ATP8A1: variants seen among roughly 807,000 people sequenced by gnomAD.
ATP8A1 encodes phospholipid-transporting ATPase IA.
ATP8A1 carries 90 observed loss-of-function variants against 177.7 expected under a neutral mutation model. The ratio of observed to expected loss-of-function variants is 0.51; its 90% confidence interval spans 0.43 to 0.60. The LOEUF (loss-of-function observed/expected upper bound fraction) is 0.60, where lower values mean the gene tolerates loss of function less well. ATP8A1 is among the 20% of genes least tolerant of loss of function. The pLI is 0.00. For missense variants in ATP8A1, 1,072 were observed against 1,392.8 expected (o/e 0.77, Z 3.67); for synonymous variants, 493 against 485.9 (o/e 1.01, Z -0.19).
chr4:42,435,207 C>T (rs1218411512), intron 33 of ATP8A1, among the ~76,000 whole-genome samples: 1 of 151,964 alleles, frequency 6.6e-6, no homozygotes, highest in Non-Finnish European at 1.5e-5. Context: ...GGGTGGATCA[C>T]CTGAGGTCAG....
chr4:42,631,781 C>T (rs111599295), intron 1 of ATP8A1, among the ~76,000 whole-genome samples: 7 of 152,278 alleles, frequency 4.6e-5, no homozygotes, highest in African/African-American at 1.7e-4. Context: ...ATCCTGTAGG[C>T]CTAGGAACCA....
At chr4:42,491,270 G>C (rs1192862793) in intron 24 of ATP8A1, among the ~76,000 whole-genome samples, 1 of 152,090 alleles carries the variant, frequency 6.6e-6, no homozygotes, top group African/African-American at 2.4e-5. Context: ...TATTTATTTG[G>C]TTTACAAGAA....
At chr4:42,492,391 A>G (rs1198278995) in intron 24 of ATP8A1, among the ~76,000 whole-genome samples, 1 of 152,172 alleles carries the variant, frequency 6.6e-6, no homozygotes, top group Admixed American at 6.5e-5. Flanking sequence ...TATCCCACCA[A>G]AATTCATATG....
At chr4:42,554,565 T>C (rs921410211) in intron 16 of ATP8A1, among the ~76,000 whole-genome samples, 10 of 152,182 alleles carry the variant, frequency 6.6e-5, no homozygotes, top group Admixed American at 5.2e-4. Context: ...TGGGCAAAAG[T>C]GACAAGTCCA....
At chr4:42,520,670 C>T (rs991508143) in intron 22 of ATP8A1, among the ~76,000 whole-genome samples, 1 of 152,100 alleles carries the variant, frequency 6.6e-6, no homozygotes, top group Non-Finnish European at 1.5e-5. Context: ...GTGGGAGTAT[C>T]ATGCTGGAAG....
intron 15 of ATP8A1, among the ~76,000 whole-genome samples, chr4:42,562,872 G>T (rs1730983667): frequency 6.6e-6 from 1 of 152,212 alleles, no homozygotes; most frequent in African/African-American, 2.4e-5. Flanking sequence ...CCATGATCGT[G>T]AGGCTTACCC....
At chr4:42,467,064 A>T (rs1306309763) in intron 25 of ATP8A1, among the ~76,000 whole-genome samples, 3 of 152,254 alleles carry the variant, frequency 2.0e-5, no homozygotes, top group Admixed American at 1.3e-4. Context: ...TTCCATAACT[A>T]AACTTGTAAT....
chr4:42,473,016 T>C (rs1720624225), intron 25 of ATP8A1, among the ~76,000 whole-genome samples: 1 of 152,252 alleles, frequency 6.6e-6, no homozygotes, highest in African/African-American at 2.4e-5. Context: ...AGCGGAAAAG[T>C]ATCAGGGAAG....
intron 9 of ATP8A1, 81 bp from the exon 10 acceptor site, chr4:42,581,813 A>G: frequency 1.0e-6 from 1 of 971,292 alleles, no homozygotes; most frequent in Admixed American, 2.3e-5. Context: ...TTACAAAAGT[A>G]CCCATTATTA....
chr4:42,546,982 C>T (rs1166857331), intron 19 of ATP8A1, among the ~76,000 whole-genome samples: 1 of 152,160 alleles, frequency 6.6e-6, no homozygotes, highest in East Asian at 1.9e-4. Flanking sequence ...TATATCTTCT[C>T]TTCAGGAGAT....
Position 42,507,798 on chromosome 4 carries a change from A to AACAAAAC in ATP8A1, c.1948-645_1948-644insGTTTTGT, listed in dbSNP as rs1553890684. Among the ~76,000 whole-genome samples the AACAAAAC allele has an allele frequency of 4.1e-3, 517 of 124,724 alleles. 11 individuals are homozygous for AACAAAAC. Among genetic ancestry groups the AACAAAAC allele is most frequent in the Non-Finnish European group, 7.7e-3 (433 of 56,520 alleles). The allele number at this position is 124,724 out of a possible 152,430, so 81.8% of individuals were successfully genotyped here. A position where few individuals can be genotyped will look rare whatever the true frequency, so the allele number is the denominator to read the frequency against. ...GGCATTCTAAAAAAAAAAAAAAAAA[A>AACAAAAC]AAAAAAAAAAACATACAAACAGCTA... is the stretch of plus-strand genomic sequence containing the variant. On this transcript the variant is annotated intron_variant, in intron 22 of 36. Coordinates refer to ENST00000381668, the MANE Select transcript of ATP8A1 (RefSeq NM_006095.2).
At chr4:42,473,613 A>G (rs568817674) in intron 25 of ATP8A1, among the ~76,000 whole-genome samples, 2 of 149,556 alleles carry the variant, frequency 1.3e-5, no homozygotes, top group South Asian at 2.2e-4. Flanking sequence ...GGAGGTAAGG[A>G]AGGGATAAAG....
At chr4:42,636,154 A>ACGCGCG (rs765930469) in intron 1 of ATP8A1, among the ~76,000 whole-genome samples, 2 of 47,540 alleles carry the variant, frequency 4.2e-5, no homozygotes, top group South Asian at 7.5e-4. Context: ...ACACACACAC[A>ACGCGCG]CACGCACACA....
At chr4:42,534,059 C>T (rs1727539792) in intron 20 of ATP8A1, among the ~76,000 whole-genome samples, 1 of 152,146 alleles carries the variant, frequency 6.6e-6, no homozygotes, top group African/African-American at 2.4e-5. Context: ...CTGACATAGT[C>T]TACCCAAATG....
chr4:42,546,581 TA>T (rs71200293), intron 19 of ATP8A1, among the ~76,000 whole-genome samples: 40,396 of 139,106 alleles, frequency 0.29, 5,572 homozygotes, highest in Middle Eastern at 0.39. Context: ...TAAAGTATAA[TA>T]AAAAAAAAAA....
intron 33 of ATP8A1, among the ~76,000 whole-genome samples, chr4:42,433,283 CTT>C (rs897703840): frequency 4.1e-5 from 5 of 122,392 alleles, no homozygotes; most frequent in African/African-American, 1.7e-4. Flanking sequence ...CCAGCGCTCT[CTT>C]CTCTGTTAGT....
At chr4:42,461,760 A>G (rs1719184595) in intron 27 of ATP8A1, among the ~76,000 whole-genome samples, 1 of 152,192 alleles carries the variant, frequency 6.6e-6, no homozygotes, top group South Asian at 2.1e-4. Flanking sequence ...AAGAGTTTGG[A>G]GAGCTCATAA....
At position 42,635,768 on chromosome 4, in the gene ATP8A1, C is replaced by T. The variant is rs1012373117; in HGVS notation, c.50-8659G>A. On this transcript the variant is annotated intron_variant, in intron 1 of 36. Transcript: ENST00000381668. The stretch of plus-strand genomic sequence containing the variant: ...ATACATATATATACACACACACACA[C>T]ACACACACACACACATATATATATA... 8.6e-3 allele frequency among the ~76,000 whole-genome samples: 507 copies of T among 59,288 alleles called. 15 individuals carry two copies. The highest frequency in any genetic ancestry group is 0.043 in the Middle Eastern group (5 of 116). 38.9% of individuals were successfully genotyped at this position (59,288 alleles called of 152,430 possible). A position where few individuals can be genotyped will look rare whatever the true frequency, so the allele number is the denominator to read the frequency against.
At chr4:42,645,658 C>T (rs949589389) in intron 1 of ATP8A1, among the ~76,000 whole-genome samples, 5 of 152,190 alleles carry the variant, frequency 3.3e-5, no homozygotes, top group African/African-American at 1.2e-4. Context: ...ATTTACATTT[C>T]ACAAGCCTCC....
Sources: gnomAD v4.1 joint callset for allele counts (sites outside exome capture counted in the v4.1 genomes callset) on GRCh38, gnomAD v4.1.1 for gene constraint, MANE v1.5 for transcripts, NCBI Gene and HGNC (gene_info 2026-07-23, HGNC 2026-07-21) for gene names.